The following PUM3 variants were observed in gnomAD, a reference collection of about 807,000 sequenced individuals.
The protein encoded by PUM3 is pumilio homolog 3.
In PUM3, 91 loss-of-function variants were observed where a neutral mutation model predicts 84.0. The ratio of observed to expected loss-of-function variants is 1.08; its 90% CI spans 0.91 to 1.29. PUM3 has a LOEUF of 1.29. Among genes scored for constraint, PUM3 ranks in the 50% most tolerant of loss-of-function variants. PUM3 has a pLI of 0.00. For missense variants in PUM3, 1,067 were observed against 767.5 expected (o/e 1.39, Z -4.61); for synonymous variants, 321 against 266.7 (o/e 1.20, Z -1.98).
intron 3 of PUM3, among the ~76,000 whole-genome samples, chr9:2,835,677 A>C (rs2129878822): frequency 6.6e-6 from 1 of 152,304 alleles, no homozygotes; most frequent in Admixed American, 6.5e-5. Context: ...ATCCAGGGCT[A>C]ATTTAATTCC....
At chr9:2,823,937 G>T in intron 11 of PUM3, 103 bp from the exon 12 acceptor site, 1 of 582,022 alleles carries the variant, frequency 1.7e-6, no homozygotes, top group South Asian at 2.8e-5. Context: ...CATTTGAGTG[G>T]CATATGTTTT....
In PUM3 at chr9:2,811,584, C is replaced by T; in HGVS notation, c.1413-1G>A. 1 of 1,611,338 alleles carries T rather than the reference C, an allele frequency of 6.2e-7. No individual in the cohort carries two copies. The highest frequency in any genetic ancestry group is 1.3e-5 in the African/African-American group (1 of 74,980). On this transcript the variant is annotated splice_acceptor_variant, in intron 14 of 17. Coordinates refer to ENST00000397885, the MANE Select transcript of PUM3 (RefSeq NM_014878.5). LOFTEE classifies it high-confidence loss of function. ...TCTGCGGACCTCTGTATCTTTCTTACTGTTGAGTATGTTGAACGGGGTATT... is the reference window on the plus strand; with the variant it reads ...TCTGCGGACCTCTGTATCTTTCTTATTGTTGAGTATGTTGAACGGGGTATT...
chr9:2,836,029 A>G (rs979186713), intron 3 of PUM3, among the ~76,000 whole-genome samples: 2 of 152,214 alleles, frequency 1.3e-5, no homozygotes, highest in Non-Finnish European at 2.9e-5. Flanking sequence ...ACTTCTGGCA[A>G]TTGGGGAGGA....
At chr9:2,817,602 T>A (rs1821498468) in intron 13 of PUM3, among the ~76,000 whole-genome samples, 1 of 152,144 alleles carries the variant, frequency 6.6e-6, no homozygotes, top group African/African-American at 2.4e-5. Flanking sequence ...ATTAGATACA[T>A]GTTTTACAAA....
rs2270888 is a variant in PUM3, at chr9:2,811,505, G to C, written c.1491C>G (p.His497Gln). 29 of 1,613,950 alleles carry C rather than the reference G, an allele frequency of 1.8e-5. No individual in the cohort carries two copies. Among genetic ancestry groups the C allele is most frequent in the Non-Finnish European group, 2.2e-5 (26 of 1,179,956 alleles). ...ACTTATCTAGCACCACTTCTTGGGCGTGTTCTTGCAGGTAGCTTAACAAAG... is the reference window on the plus strand; with the variant it reads ...ACTTATCTAGCACCACTTCTTGGGCCTGTTCTTGCAGGTAGCTTAACAAAG... ...SPALLSYLQEHAQEVVLDKSA... is the reference protein window; with the variant it reads ...SPALLSYLQEQAQEVVLDKSA... Residue 497 changes from histidine (H) to glutamine (Q), a missense_variant, in exon 15 of 18, where the codon CAC (histidine) becomes CAG (glutamine). Transcript: ENST00000397885.
chr9:2,827,758 C>G (rs1310257908), intron 9 of PUM3, among the ~76,000 whole-genome samples: 5 of 152,202 alleles, frequency 3.3e-5, no homozygotes, highest in African/African-American at 9.7e-5. Context: ...CCTTTATGGG[C>G]AAAGCACTGT....
At chr9:2,822,037 G>A (rs190397790) in intron 12 of PUM3, among the ~76,000 whole-genome samples, 14 of 152,252 alleles carry the variant, frequency 9.2e-5, no homozygotes, top group Admixed American at 5.9e-4. Flanking sequence ...AAAATCACTG[G>A]TTTCAGTTCT....
At chr9:2,806,156 A>G (rs1223966749) in intron 17 of PUM3, among the ~76,000 whole-genome samples, 1 of 152,200 alleles carries the variant, frequency 6.6e-6, no homozygotes, top group East Asian at 1.9e-4. Flanking sequence ...TTATAAATTA[A>G]TTTCATGGCA....
intron 12 of PUM3, among the ~76,000 whole-genome samples, chr9:2,822,505 T>C (rs1285860925): frequency 1.3e-5 from 2 of 151,804 alleles, no homozygotes; most frequent in East Asian, 1.9e-4. Context: ...TAAAAAGATA[T>C]GTACTTAGTG....
chr9:2,828,485 G>T, intron 9 of PUM3, 190 bp downstream of exon 9: 2 of 509,032 alleles, frequency 3.9e-6, no homozygotes, highest in South Asian at 2.9e-5. Flanking sequence ...CATTTTATAG[G>T]GTACAATATC....
chr9:2,812,256 A>G lies in PUM3; in HGVS notation c.1376T>C (p.Ile459Thr), dbSNP rs145168362. The change falls in exon 14 of 18, where the codon ATT becomes ACT. Residue 459 changes from isoleucine to threonine, a missense_variant. Physicochemically the swap from Ile to Thr is moderately conservative, Grantham distance 89. Transcript: ENST00000397885. Reference protein sequence around the residue: ...RDPAHTVREIIEVLQKGDGNA... With the variant: ...RDPAHTVREITEVLQKGDGNA... ...TCCATCTCCTTTTTGCAGAACTTCAATGATTTCTCGTACTGTATGTGCAGG... is the reference window on the plus strand; with the variant it reads ...TCCATCTCCTTTTTGCAGAACTTCAGTGATTTCTCGTACTGTATGTGCAGG... 2.9e-5 allele frequency: 47 copies of G among 1,613,672 alleles called. No homozygotes were observed. Among genetic ancestry groups the G allele is most frequent in the Middle Eastern group, 1.6e-4 (1 of 6,080 alleles).
chr9:2,836,913 T>G (rs568323670), intron 3 of PUM3, among the ~76,000 whole-genome samples: 4 of 152,296 alleles, frequency 2.6e-5, no homozygotes, highest in Admixed American at 2.6e-4. Context: ...AAGAAATGTT[T>G]TATTGAGGTT....
intron 14 of PUM3, 58 bp downstream of exon 14, chr9:2,812,162 T>A: frequency 4.8e-6 from 7 of 1,449,448 alleles, no homozygotes; most frequent in Non-Finnish European, 6.8e-6. Flanking sequence ...TCTGGAAGAA[T>A]GCACTACTCA....
chr9:2,838,410 G>A lies in PUM3; in HGVS notation c.82+16C>T. 6.4e-7 allele frequency: 1 copy of A among 1,569,682 alleles called. No homozygotes were observed. The highest frequency in any genetic ancestry group is 1.1e-5 in the South Asian group (1 of 90,098). ...AATTATAACAGCCAAACACCCACAT[G>A]GGAAGCATATCTTACCACTATTTTT... is the stretch of plus-strand genomic sequence containing the variant. On this transcript the variant is annotated intron_variant, in intron 2 of 17. Transcript: ENST00000397885.
intron 1 of PUM3, among the ~76,000 whole-genome samples, chr9:2,842,466 C>G (rs1806141835): frequency 2.0e-5 from 3 of 152,212 alleles, no homozygotes; most frequent in Admixed American, 2.0e-4. Flanking sequence ...ACAGGAGCCA[C>G]TATTCTTATC....
chr9:2,829,300 A>G (rs935186847), intron 8 of PUM3, among the ~76,000 whole-genome samples: 1 of 152,216 alleles, frequency 6.6e-6, no homozygotes, highest in Non-Finnish European at 1.5e-5. Context: ...CTCAGATTCA[A>G]TCCCTGTACT....
At chr9:2,839,839 T>G (rs1586729970) in intron 1 of PUM3, among the ~76,000 whole-genome samples, 2 of 152,364 alleles carry the variant, frequency 1.3e-5, no homozygotes, top group African/African-American at 4.8e-5. Context: ...TTGTTCTAAT[T>G]TTTATATTGA....
intron 10 of PUM3, among the ~76,000 whole-genome samples, chr9:2,826,019 C>G (rs1371212391): frequency 6.6e-6 from 1 of 152,108 alleles, no homozygotes; most frequent in African/African-American, 2.4e-5. Context: ...ACTAACATAT[C>G]TGAACTTAGG....
intron 13 of PUM3, among the ~76,000 whole-genome samples, chr9:2,815,274 A>G (rs2129808340): frequency 1.3e-5 from 2 of 152,346 alleles, no homozygotes; most frequent in East Asian, 3.9e-4. Context: ...AGTATCATTT[A>G]ATCCTTCCCC....
Sources: allele counts gnomAD v4.1 joint callset (sites outside exome capture counted in the v4.1 genomes callset), GRCh38; gene constraint gnomAD v4.1.1; transcripts MANE v1.5; gene names NCBI Gene and HGNC (gene_info 2026-07-23, HGNC 2026-07-21).